Variants in AFF2 observed in about 807,000 individuals in gnomAD.
The protein encoded by AFF2 is AF4/FMR2 family member 2.
AFF2 carries 14 observed loss-of-function variants against 76.9 expected under a neutral mutation model. The observed-to-expected ratio is 0.18, with a 90% CI of 0.12 to 0.28. The LOEUF (loss-of-function observed/expected upper bound fraction) is 0.28. Ranked by LOEUF, AFF2 falls within the 10% of genes least tolerant of loss-of-function variation. The probability of loss-of-function intolerance (pLI) is 1.00; values close to 1 mark genes in which losing one functional copy is unlikely to be tolerated. For missense variants in AFF2, 868 were observed against 1,001.1 expected (o/e 0.87, Z 1.79); for synonymous variants, 398 against 366.7 (o/e 1.09, Z -0.98).
At chrX:148,852,671 C>T (rs1415892031) in intron 7 of AFF2, among the ~76,000 whole-genome samples, 2 of 111,153 alleles carry the variant, frequency 1.8e-5, no homozygotes, top group African/African-American at 3.3e-5. Flanking sequence ...TACTATATAC[C>T]TGGCACCATG....
chrX:148,651,914 CTTA>C (rs2054205900), intron 1 of AFF2, 82 bp from the exon 2 acceptor site: 1 of 940,039 alleles, frequency 1.1e-6, no homozygotes, highest in African/African-American at 2.0e-5. Flanking sequence ...GAATTTTTTT[CTTA>C]TTATTGACAG....
intron 9 of AFF2, among the ~76,000 whole-genome samples, chrX:148,937,874 T>G (rs1569557252): frequency 1.8e-5 from 2 of 112,372 alleles, no homozygotes; most frequent in Non-Finnish European, 3.8e-5. Flanking sequence ...TTCATAAAAT[T>G]TGTATGAAAA....
At position 148,916,364 on chromosome X, in the gene AFF2, C is replaced by T. The variant is rs192892143; in HGVS notation, c.1397+12106C>T. Among the ~76,000 whole-genome samples the T allele has an allele frequency of 5.3e-3, 568 of 107,769 alleles. 6 individuals carry two copies. Among genetic ancestry groups the T allele is most frequent in the African/African-American group, 0.018 (543 of 29,383 alleles). 93.6% of individuals were successfully genotyped at this position (107,769 alleles called of 115,157 possible). A position where few individuals can be genotyped will look rare whatever the true frequency, so the allele number is the denominator to read the frequency against. ...AGCTGGGACTACAGGCGCCCGCCAC[C>T]ACGCCCGGCTAATTTTTTTGTGTTT... On this transcript the variant is annotated intron_variant, in intron 9 of 20. Coordinates refer to ENST00000370460, the MANE Select transcript of AFF2 (RefSeq NM_002025.4).
At chrX:148,733,402 T>G (rs1393510577) in intron 3 of AFF2, among the ~76,000 whole-genome samples, 1 of 110,697 alleles carries the variant, frequency 9.0e-6, no homozygotes, top group African/African-American at 3.3e-5. Context: ...TTTTGTGCAT[T>G]CATTCATTCA....
chrX:148,629,715 G>A (rs2053961579), intron 1 of AFF2, among the ~76,000 whole-genome samples: 1 of 111,769 alleles, frequency 8.9e-6, no homozygotes, highest in African/African-American at 3.3e-5. Flanking sequence ...CTTCCTCGGT[G>A]AGTCTGAAAA....
intron 3 of AFF2, chrX:148,719,267 T>C: frequency 9.5e-7 from 1 of 1,050,974 alleles, no homozygotes; most frequent in Non-Finnish European, 1.3e-6. Context: ...AGGTCTACAA[T>C]CAGCCAAAGG....
In AFF2 at chrX:148,577,724, T is replaced by C. The variant is rs782702573; in HGVS notation, c.48-74275T>C. On this transcript the variant is annotated intron_variant, in intron 1 of 20. Coordinates refer to ENST00000370460, the MANE Select transcript of AFF2 (RefSeq NM_002025.4). ...TCATTTGTTAAATGTGCATAAATAG[T>C]GGGGATCTTCCTCGGAGCTCCAGAT... 2.7e-5 allele frequency among the ~76,000 whole-genome samples: 3 copies of C among 112,339 alleles called. No homozygotes were observed. In the South Asian group the frequency reaches 1.1e-3, roughly 41 times the overall value.
intron 3 of AFF2, among the ~76,000 whole-genome samples, chrX:148,753,779 G>A (rs782193855): frequency 9.0e-5 from 10 of 111,216 alleles, no homozygotes; most frequent in East Asian, 8.5e-4. Context: ...AAAGTTTTCC[G>A]TAGACCACTG....
In AFF2 at chrX:148,528,265, C is replaced by G. The variant is rs139360308; in HGVS notation, c.47+27121C>G. 3.9e-3 allele frequency among the ~76,000 whole-genome samples: 438 copies of G among 111,852 alleles called. 1 individual carries two copies. Among genetic ancestry groups the G allele is most frequent in the African/African-American group, 0.013 (416 of 30,838 alleles). ...ATTTGCCCTTACAGCTGTACCTCAC[C>G]TTTTAGATATTTTTCTACTTTGGGA... On this transcript the variant is annotated intron_variant, in intron 1 of 20. Transcript: ENST00000370460.
chrX:148,507,783 A>C (rs1170420386), intron 1 of AFF2, among the ~76,000 whole-genome samples: 1 of 112,255 alleles, frequency 8.9e-6, no homozygotes, highest in Non-Finnish European at 1.9e-5. Context: ...AATCTTTTAG[A>C]TGACCTTAGC....
chrX:148,706,202 A>G (rs2054882517), intron 3 of AFF2, among the ~76,000 whole-genome samples: 1 of 111,980 alleles, frequency 8.9e-6, no homozygotes, highest in East Asian at 2.8e-4. Context: ...TTAAAATTGC[A>G]TTTTCAGAGG....
At chrX:148,952,648 G>C (rs1479345424) in intron 9 of AFF2, among the ~76,000 whole-genome samples, 1 of 112,065 alleles carries the variant, frequency 8.9e-6, no homozygotes, top group Admixed American at 9.4e-5. Flanking sequence ...AGGCTGACTT[G>C]TTATAGGACG....
intron 1 of AFF2, among the ~76,000 whole-genome samples, chrX:148,596,212 T>C (rs1325007557): frequency 9.0e-6 from 1 of 111,729 alleles, no homozygotes. Context: ...ACTAAGCAGG[T>C]GATAGTTACA....
chrX:148,932,389 T>TTTG (rs1288905297), intron 9 of AFF2, among the ~76,000 whole-genome samples: 1 of 111,888 alleles, frequency 8.9e-6, no homozygotes, highest in Non-Finnish European at 1.9e-5. Context: ...TACCACTCTA[T>TTTG]TTGTTGTTCC....
chrX:148,714,136 T>G (rs1288883081), intron 3 of AFF2, among the ~76,000 whole-genome samples: 1 of 112,152 alleles, frequency 8.9e-6, no homozygotes, highest in Non-Finnish European at 1.9e-5. Context: ...GTTCTGTAAA[T>G]CATGTTAAAC....
chrX:148,863,419 A>G (rs1235848940), intron 7 of AFF2, among the ~76,000 whole-genome samples: 1 of 111,854 alleles, frequency 8.9e-6, no homozygotes, highest in African/African-American at 3.3e-5. Flanking sequence ...TCATCTAGCT[A>G]AACTCACTTT....
At chrX:148,623,750 T>A (rs2053894717) in intron 1 of AFF2, among the ~76,000 whole-genome samples, 1 of 110,611 alleles carries the variant, frequency 9.0e-6, no homozygotes, top group South Asian at 3.8e-4. Context: ...CGTGTAGGTA[T>A]TATGTATTAA....
rs188398352 is a variant in AFF2, at chrX:148,659,315, A to G, written c.181-2593A>G. On this transcript the variant is annotated intron_variant, in intron 2 of 20. Transcript: ENST00000370460. ...AGGACAAGATGAACCTCTTTTATTT[A>G]CTCCTGAAACAAGAACAGGAATTTG... is the stretch of plus-strand genomic sequence containing the variant. Among the ~76,000 whole-genome samples, 5 of 112,153 alleles carry G rather than the reference A, an allele frequency of 4.5e-5. No homozygotes were observed. The East Asian group carries it at 1.4e-3, about 32-fold the overall frequency.
At position 148,956,133 on chromosome X, in the gene AFF2, G is replaced by T. The variant is rs2072035051; in HGVS notation, c.2088G>T (p.Lys696Asn). The T allele has an allele frequency of 2.5e-6, 3 of 1,210,759 alleles. No individual in the cohort carries two copies. The highest frequency in any genetic ancestry group is 3.4e-6 in the Non-Finnish European group (3 of 895,304). The change falls in exon 11 of 21, where the codon AAG becomes AAT. Residue 696 changes from lysine to asparagine, a missense_variant. Around this residue, in one of 6 missense-constraint regions of AFF2, gnomAD observed 532 missense variants for 564.2 expected, o/e 0.94. Transcript: ENST00000370460. Reference protein sequence around the residue: ...PNIPLAPEKKKYRGPGKIVPK... With the variant: ...PNIPLAPEKKNYRGPGKIVPK... ...TCCCTTTGGCTCCCGAGAAGAAGAAGTACAGAGGGCCTGGCAAGATTGTGC... is the reference window on the plus strand; with the variant it reads ...TCCCTTTGGCTCCCGAGAAGAAGAATTACAGAGGGCCTGGCAAGATTGTGC...
Sources: gnomAD v4.1 joint callset for allele counts (sites outside exome capture counted in the v4.1 genomes callset) on GRCh38, gnomAD v4.1.1 for gene constraint, gnomAD v4.1.1 regional missense constraint, MANE v1.5 for transcripts, NCBI Gene and HGNC (gene_info 2026-07-23, HGNC 2026-07-21) for gene names.